MYO16: variants seen among roughly 807,000 people sequenced by gnomAD.
MYO16 encodes the protein unconventional myosin-XVI.
In MYO16, 94 loss-of-function variants were observed where a neutral mutation model predicts 205.3. That is an observed-to-expected ratio of 0.46 (90% CI 0.39 to 0.54). The LOEUF (loss-of-function observed/expected upper bound fraction) is 0.54, where lower values mean the gene tolerates loss of function less well. Among genes scored for constraint, MYO16 ranks in the 20% least tolerant of loss-of-function variants. The pLI is 0.00. For synonymous variants in MYO16, 988 were observed against 954.0 expected (o/e 1.04, Z -0.66); for missense variants, 2,315 against 2,387.5 (o/e 0.97, Z 0.63).
intron 27 of MYO16, among the ~76,000 whole-genome samples, chr13:109,068,947 G>A (rs1887842043): frequency 6.6e-6 from 1 of 152,100 alleles, no homozygotes; most frequent in South Asian, 2.1e-4. Flanking sequence ...TCAACAATGT[G>A]TTACTTTATC....
rs530463101 is a variant in MYO16, at chr13:108,767,199, T to C, written c.508-18436T>C. 2.6e-4 allele frequency among the ~76,000 whole-genome samples: 39 copies of C among 152,016 alleles called. No individual in the cohort carries two copies. The Middle Eastern group carries it at 0.01, about 40-fold the overall frequency. On this transcript the variant is annotated intron_variant, in intron 4 of 34. Transcript: ENST00000457511. ...CTCACTGCAAGCTCCGCCTCCCGGGTTCACGCCATTCTCCTGCCTCAGTCT... is the reference window on the plus strand; with the variant it reads ...CTCACTGCAAGCTCCGCCTCCCGGGCTCACGCCATTCTCCTGCCTCAGTCT...
intron 32 of MYO16, among the ~76,000 whole-genome samples, chr13:109,159,031 A>T (rs1167918170): frequency 2.0e-5 from 3 of 152,206 alleles, no homozygotes; most frequent in African/African-American, 7.2e-5. Context: ...ATCTCCTGAT[A>T]TTACAGATTG....
At chr13:108,506,675 C>A in the MYO16 span, among the ~76,000 whole-genome samples, 1 of 151,998 alleles carries the variant, frequency 6.6e-6, no homozygotes, top group Non-Finnish European at 1.5e-5. Flanking sequence ...TCTTTAGTTT[C>A]TTTTTCTTGT....
At chr13:108,503,361 G>C in the MYO16 span, among the ~76,000 whole-genome samples, 1 of 152,052 alleles carries the variant, frequency 6.6e-6, no homozygotes, top group African/African-American at 2.4e-5. Context: ...ACGATATATA[G>C]ACCATAGAGA....
intron 11 of MYO16, among the ~76,000 whole-genome samples, chr13:108,864,508 G>A (rs773169961): frequency 2.0e-5 from 3 of 152,028 alleles, no homozygotes; most frequent in Non-Finnish European, 4.4e-5. Context: ...GATACAACAT[G>A]AGTTTTGTTT....
At chr13:108,683,271 G>A (rs1882538284) in intron 2 of MYO16, among the ~76,000 whole-genome samples, 2 of 152,140 alleles carry the variant, frequency 1.3e-5, no homozygotes, top group South Asian at 4.1e-4. Context: ...GTGAGATTAT[G>A]TCCTCAATCA....
At chr13:109,112,381 C>A (rs984519987) in intron 28 of MYO16, among the ~76,000 whole-genome samples, 1 of 152,146 alleles carries the variant, frequency 6.6e-6, no homozygotes, top group African/African-American at 2.4e-5. Flanking sequence ...TGAAACTCAG[C>A]ATCTTTGTTT....
intron 27 of MYO16, among the ~76,000 whole-genome samples, chr13:109,087,507 G>A (rs550007585): frequency 1.1e-3 from 164 of 152,168 alleles, no homozygotes; most frequent in African/African-American, 3.8e-3. Flanking sequence ...TTAGCTGGGC[G>A]TAGTGGCGGG....
At chr13:108,737,993 A>G (rs111510441) in intron 4 of MYO16, among the ~76,000 whole-genome samples, 6 of 151,936 alleles carry the variant, frequency 3.9e-5, no homozygotes, top group Non-Finnish European at 7.4e-5. Flanking sequence ...TCCCCTTTAT[A>G]ATTTTTATTG....
At chr13:108,991,029 C>G (rs1023720396) in intron 20 of MYO16, among the ~76,000 whole-genome samples, 2 of 152,166 alleles carry the variant, frequency 1.3e-5, no homozygotes, top group African/African-American at 4.8e-5. Flanking sequence ...AATAACAGAA[C>G]AGTGTACCCA....
chr13:108,608,677 C>G (rs1879055416), intron 1 of MYO16, among the ~76,000 whole-genome samples: 1 of 151,926 alleles, frequency 6.6e-6, no homozygotes, highest in Non-Finnish European at 1.5e-5. Flanking sequence ...CAGTCCTGCT[C>G]TGTCACCCAG....
chr13:108,702,362 A>C (rs1387044766), intron 2 of MYO16, among the ~76,000 whole-genome samples: 1 of 152,242 alleles, frequency 6.6e-6, no homozygotes, highest in African/African-American at 2.4e-5. Context: ...ACTTCTAATC[A>C]GAAACCATGG....
rs536210899 is a variant in MYO16 at position 108,926,219 on chromosome 13, C to T, written c.1925+16069C>T. Among the ~76,000 whole-genome samples the T allele has an allele frequency of 6.6e-5, 10 of 152,340 alleles. No homozygotes were observed. The South Asian group carries it at 1.5e-3, about 22-fold the overall frequency. ...AAAGGGAGGTGTCTAGAAGACCAGC[C>T]ATCCAAGAGGCTGCAGAGGCGACCA... On this transcript the variant is annotated intron_variant, in intron 16 of 34. Coordinates refer to ENST00000457511, the MANE Select transcript of MYO16 (RefSeq NM_001198950.3).
chr13:108,977,851 C>G (rs902525099), intron 20 of MYO16, among the ~76,000 whole-genome samples: 6 of 151,914 alleles, frequency 3.9e-5, no homozygotes, highest in African/African-American at 1.4e-4. Context: ...ATTTTATAAT[C>G]AGTTTGACTC....
intron 27 of MYO16, among the ~76,000 whole-genome samples, chr13:109,058,159 C>G (rs1318686196): frequency 6.6e-6 from 1 of 152,110 alleles, no homozygotes; most frequent in East Asian, 1.9e-4. Context: ...GTGAACGGCA[C>G]TTTGAGAACC....
chr13:108,844,648 T>C (rs1877424768), intron 10 of MYO16, among the ~76,000 whole-genome samples, 155 bp downstream of exon 10: 1 of 152,214 alleles, frequency 6.6e-6, no homozygotes, highest in African/African-American at 2.4e-5. Flanking sequence ...TCATAAACAA[T>C]TAGTGCATTC....
At chr13:109,095,350 G>A (rs1566503525) in intron 27 of MYO16, among the ~76,000 whole-genome samples, 1 of 152,230 alleles carries the variant, frequency 6.6e-6, no homozygotes, top group Non-Finnish European at 1.5e-5. Context: ...CTCACGTCCT[G>A]CTCCAGGCTT....
At chr13:108,958,705 A>G (rs1244707188) in intron 17 of MYO16, among the ~76,000 whole-genome samples, 3 of 152,222 alleles carry the variant, frequency 2.0e-5, no homozygotes, top group Non-Finnish European at 4.4e-5. Flanking sequence ...TTACTGAATC[A>G]AACAGCACCC....
intron 23 of MYO16, among the ~76,000 whole-genome samples, chr13:109,037,933 A>G (rs1399439830): frequency 1.3e-5 from 2 of 152,150 alleles, no homozygotes; most frequent in Non-Finnish European, 2.9e-5. Flanking sequence ...GAGAAGCTGG[A>G]AAGGAGTTTA....
Sources: allele counts gnomAD v4.1 joint callset (sites outside exome capture counted in the v4.1 genomes callset), GRCh38; gene constraint gnomAD v4.1.1; transcripts MANE v1.5; gene names NCBI Gene and HGNC (gene_info 2026-07-23, HGNC 2026-07-21).